RABGAP1L: variants seen among roughly 807,000 people sequenced by gnomAD.
RABGAP1L encodes the protein rab GTPase-activating protein 1-like.
In RABGAP1L, 63 loss-of-function variants were observed where a neutral mutation model predicts 137.7. The ratio of observed to expected loss-of-function variants is 0.46; its 90% CI spans 0.37 to 0.56. The LOEUF is 0.56. Ranked by LOEUF, RABGAP1L falls within the 20% of genes least tolerant of loss-of-function variation. The pLI is 0.00. For synonymous variants in RABGAP1L, 431 were observed against 433.7 expected (o/e 0.99, Z 0.08); for missense variants, 1,095 against 1,244.0 (o/e 0.88, Z 1.80).
intron 19 of RABGAP1L, among the ~76,000 whole-genome samples, chr1:174,896,289 TG>T (rs1657161920): frequency 6.6e-6 from 1 of 152,232 alleles, no homozygotes; most frequent in African/African-American, 2.4e-5. Context: ...TTGATGGGGT[TG>T]TTTTTTTCTT....
chr1:174,362,327 T>A (rs1211438735), intron 11 of RABGAP1L, among the ~76,000 whole-genome samples: 1 of 152,240 alleles, frequency 6.6e-6, no homozygotes, highest in African/African-American at 2.4e-5. Context: ...AAATGGTATT[T>A]CTGTCTTTAG....
At chr1:174,253,057 C>G (rs1289714793) in intron 7 of RABGAP1L, among the ~76,000 whole-genome samples, 1 of 151,938 alleles carries the variant, frequency 6.6e-6, no homozygotes, top group Non-Finnish European at 1.5e-5. Flanking sequence ...TAAATAAAGT[C>G]AACAAGAAAT....
chr1:174,163,049 G>A (rs572067598), intron 1 of RABGAP1L, among the ~76,000 whole-genome samples: 5 of 152,128 alleles, frequency 3.3e-5, no homozygotes, highest in Admixed American at 3.3e-4. Context: ...TGGCTCAGGG[G>A]TTTCTTGTGG....
At chr1:174,952,744 G>A (rs887532456) in intron 19 of RABGAP1L, among the ~76,000 whole-genome samples, 6 of 151,832 alleles carry the variant, frequency 4.0e-5, no homozygotes, top group Non-Finnish European at 5.9e-5. Context: ...CATGTGCCAC[G>A]ATGCTCAGCT....
chr1:174,306,821 A>T (rs1421955863), intron 11 of RABGAP1L, among the ~76,000 whole-genome samples: 2 of 152,160 alleles, frequency 1.3e-5, no homozygotes, highest in African/African-American at 4.8e-5. Context: ...TATACAAACT[A>T]GAGCTAAATG....
intron 13 of RABGAP1L, among the ~76,000 whole-genome samples, chr1:174,510,913 A>G (rs1380849537): frequency 1.3e-5 from 2 of 152,212 alleles, no homozygotes; most frequent in Non-Finnish European, 2.9e-5. Context: ...CCACAATAAA[A>G]CTATCCCCAA....
intron 5 of RABGAP1L, among the ~76,000 whole-genome samples, chr1:174,249,293 T>A (rs180960913): frequency 6.6e-6 from 1 of 152,320 alleles, no homozygotes; most frequent in East Asian, 1.9e-4. Flanking sequence ...TTTATGTTAC[T>A]GACTGTATTG....
At chr1:174,616,694 C>A (rs377057327) in intron 13 of RABGAP1L, among the ~76,000 whole-genome samples, 1 of 152,088 alleles carries the variant, frequency 6.6e-6, no homozygotes, top group Non-Finnish European at 1.5e-5. Context: ...CACTCCATTG[C>A]GGTTGAGAAT....
At chr1:174,181,234 A>G (rs188711858) in intron 1 of RABGAP1L, among the ~76,000 whole-genome samples, 49 of 152,040 alleles carry the variant, frequency 3.2e-4, no homozygotes, top group African/African-American at 4.3e-4. Context: ...TTGAATTCCT[A>G]TGCTTAAGTG....
In RABGAP1L at chr1:174,195,745, T is replaced by TTCTTTCTC. The variant is rs539706412; in HGVS notation, c.-33-23357_-33-23350dup. Among the ~76,000 whole-genome samples, 454 of 129,810 alleles carry TTCTTTCTC rather than the reference T, an allele frequency of 3.5e-3. 11 individuals carry two copies. Among genetic ancestry groups the TTCTTTCTC allele is most frequent in the African/African-American group, 6.0e-3 (192 of 32,166 alleles). 85.2% of individuals were successfully genotyped at this position (129,810 alleles called of 152,430 possible). ...TCTTTTCTTTCTTTTCTTTCTTTCT[T>TTCTTTCTC]TCTTTCTCTCTTTCTCTCTTTCTCT... On this transcript the variant is annotated intron_variant, in intron 1 of 25. Coordinates refer to ENST00000681986, the MANE Select transcript of RABGAP1L (RefSeq NM_001366446.1).
At chr1:174,886,104 C>G (rs111393716) in intron 19 of RABGAP1L, among the ~76,000 whole-genome samples, 6 of 150,172 alleles carry the variant, frequency 4.0e-5, no homozygotes, top group African/African-American at 1.2e-4. Flanking sequence ...ACCTGTGCCT[C>G]CCAGGTTCAA....
intron 3 of RABGAP1L, among the ~76,000 whole-genome samples, chr1:174,223,233 A>G (rs540425294): frequency 7.5e-4 from 97 of 129,238 alleles, no homozygotes; most frequent in Middle Eastern, 5.4e-3. Context: ...GCACCATTGC[A>G]CTCCAGCCTG....
intron 6 of RABGAP1L, among the ~76,000 whole-genome samples, chr1:174,251,061 A>G (rs1336815732): frequency 6.6e-6 from 1 of 152,258 alleles, no homozygotes; most frequent in South Asian, 2.1e-4. Context: ...TTGGCCTCCC[A>G]AAGTGCTGGG....
At chr1:174,586,734 A>G (rs1404468572) in intron 13 of RABGAP1L, among the ~76,000 whole-genome samples, 1 of 152,024 alleles carries the variant, frequency 6.6e-6, no homozygotes, top group African/African-American at 2.4e-5. Flanking sequence ...AGTAGCTGGT[A>G]TTATAGGCAT....
chr1:174,526,397 A>G (rs1663876353), intron 13 of RABGAP1L, among the ~76,000 whole-genome samples: 2 of 152,038 alleles, frequency 1.3e-5, no homozygotes, highest in African/African-American at 4.8e-5. Flanking sequence ...AATTTCTTGG[A>G]ATAGTTTGAG....
intron 2 of RABGAP1L, 148 bp downstream of exon 2, chr1:174,219,443 T>C (rs1669590666): frequency 3.6e-6 from 2 of 558,574 alleles, no homozygotes; most frequent in Non-Finnish European, 2.7e-6. Context: ...ATTATTTGGT[T>C]TGTGTATTTT....
In RABGAP1L at chr1:174,811,865, GA is replaced by G; in HGVS notation, c.2247del (p.Gly750ValfsTer3). ...GGAAGACCTTCTGCAGGCTGATTTT[GA>G]AGGTGCTTTAAAGTTCTTTAGAGTT... ...SKEDLLQADFEGALKFFRVQL... is the reference protein window; with the variant it reads ...SKEDLLQADFXGALKFFRVQL... On this transcript the variant is annotated frameshift_variant, in exon 19 of 26. Coordinates refer to ENST00000681986, the MANE Select transcript of RABGAP1L (RefSeq NM_001366446.1). LOFTEE classifies it high-confidence loss of function. The G allele has an allele frequency of 6.2e-7, 1 of 1,604,402 alleles. No homozygotes were observed.
At chr1:174,349,949 C>T (rs1162273347) in intron 11 of RABGAP1L, among the ~76,000 whole-genome samples, 8 of 131,538 alleles carry the variant, frequency 6.1e-5, no homozygotes, top group African/African-American at 1.1e-4. Context: ...GGCGGCTGGC[C>T]GGGTGGGGGG....
At chr1:174,452,781 T>G (rs1266550531) in intron 13 of RABGAP1L, among the ~76,000 whole-genome samples, 1 of 152,090 alleles carries the variant, frequency 6.6e-6, no homozygotes, top group African/African-American at 2.4e-5. Context: ...CAGGATGGTC[T>G]TGATCTCCTG....
Sources: gnomAD v4.1 joint callset for allele counts (sites outside exome capture counted in the v4.1 genomes callset) on GRCh38, gnomAD v4.1.1 for gene constraint, MANE v1.5 for transcripts, NCBI Gene and HGNC (gene_info 2026-07-23, HGNC 2026-07-21) for gene names.